The following CAMTA1 variants were observed in gnomAD, a reference collection of about 807,000 sequenced individuals.
CAMTA1 encodes calmodulin binding transcription activator 1.
A neutral mutation model predicts 170.9 loss-of-function variants in CAMTA1; 27 were observed. The observed-to-expected ratio is 0.16, with a 90% CI of 0.12 to 0.22. The LOEUF (loss-of-function observed/expected upper bound fraction) is 0.22. Among genes scored for constraint, CAMTA1 ranks in the 10% least tolerant of loss-of-function variants. The probability of loss-of-function intolerance (pLI) is 1.00; values close to 1 mark genes in which losing one functional copy is unlikely to be tolerated. For missense variants in CAMTA1, 1,619 were observed against 2,217.2 expected, an observed-to-expected ratio of 0.73 and a Z score of 5.42; for synonymous variants, 833 against 891.5, an observed-to-expected ratio of 0.93 and a Z score of 1.17.
chr1:7,187,832 G>T (rs1653704930), intron 4 of CAMTA1, among the ~76,000 whole-genome samples: 1 of 152,194 alleles, frequency 6.6e-6, no homozygotes, highest in African/African-American at 2.4e-5. Context: ...TATTTTGATA[G>T]AACTCTTTTG....
chr1:7,175,374 G>C (rs976634551), intron 4 of CAMTA1, among the ~76,000 whole-genome samples: 1 of 151,876 alleles, frequency 6.6e-6, no homozygotes, highest in Admixed American at 6.5e-5. Context: ...TCTGTTTTCT[G>C]TTCTGCTATA....
intron 1 of CAMTA1, among the ~76,000 whole-genome samples, chr1:6,788,075 C>T (rs1639931645): frequency 6.6e-6 from 1 of 152,024 alleles, no homozygotes; most frequent in South Asian, 2.1e-4. Context: ...GGATGGGGAA[C>T]GTTATTCTTC....
At chr1:7,231,350 T>TGAGAGAGA (rs1553280259) in intron 4 of CAMTA1, among the ~76,000 whole-genome samples, 13 of 141,190 alleles carry the variant, frequency 9.2e-5, no homozygotes, top group African/African-American at 3.2e-4. Flanking sequence ...TGTGTGTGTG[T>TGAGAGAGA]GAGAGAGAGA....
intron 6 of CAMTA1, among the ~76,000 whole-genome samples, chr1:7,526,144 G>C (rs2094429181): frequency 6.6e-6 from 1 of 152,080 alleles, no homozygotes; most frequent in South Asian, 2.1e-4. Context: ...CCAGGGAGGA[G>C]ACATTGTCAC....
chr1:7,614,153 G>A (rs59644278), intron 6 of CAMTA1, among the ~76,000 whole-genome samples: 347 of 152,164 alleles, frequency 2.3e-3, no homozygotes, highest in African/African-American at 8.1e-3. Context: ...GAGAAATGAG[G>A]ATGTCAGCAA....
At chr1:7,334,165 G>T (rs983831856) in intron 5 of CAMTA1, among the ~76,000 whole-genome samples, 3 of 152,198 alleles carry the variant, frequency 2.0e-5, no homozygotes, top group African/African-American at 7.2e-5. Flanking sequence ...ACTGGTCTAC[G>T]TGGAAAGTAA....
chr1:7,178,208 C>G (rs1325363496), intron 4 of CAMTA1, among the ~76,000 whole-genome samples: 1 of 152,190 alleles, frequency 6.6e-6, no homozygotes, highest in Non-Finnish European at 1.5e-5. Context: ...GCTGCCAGAA[C>G]TGGTGCAGAG....
intron 6 of CAMTA1, among the ~76,000 whole-genome samples, chr1:7,525,760 C>A (rs1480923921): frequency 1.3e-5 from 2 of 152,188 alleles, no homozygotes; most frequent in Non-Finnish European, 2.9e-5. Flanking sequence ...CAAGGGTGGG[C>A]AGCCCTGACC....
At chr1:7,734,375 AT>A (rs1221391584) in intron 12 of CAMTA1, among the ~76,000 whole-genome samples, 2 of 152,192 alleles carry the variant, frequency 1.3e-5, no homozygotes, top group Non-Finnish European at 2.9e-5. Flanking sequence ...ATGTAATGTC[AT>A]TTTAAAGCTC....
At chr1:7,713,287 G>T (rs188038042) in intron 11 of CAMTA1, among the ~76,000 whole-genome samples, 1 of 152,162 alleles carries the variant, frequency 6.6e-6, no homozygotes, top group Non-Finnish European at 1.5e-5. Flanking sequence ...TAGCACCTGA[G>T]CCTGATGAGA....
At chr1:6,924,958 G>A (rs549199222) in intron 3 of CAMTA1, among the ~76,000 whole-genome samples, 9 of 152,204 alleles carry the variant, frequency 5.9e-5, no homozygotes, top group African/African-American at 1.4e-4. Flanking sequence ...GATATGGTTG[G>A]GGGGGACTGT....
At chr1:7,756,770 C>G (rs1240499462) in intron 22 of CAMTA1, among the ~76,000 whole-genome samples, 1 of 152,068 alleles carries the variant, frequency 6.6e-6, no homozygotes, top group African/African-American at 2.4e-5. Flanking sequence ...ATCATGTAAG[C>G]CTGGGAGGTT....
intron 22 of CAMTA1, among the ~76,000 whole-genome samples, chr1:7,763,726 T>A (rs1216283398): frequency 6.6e-6 from 1 of 152,256 alleles, no homozygotes. Context: ...CTCTCCTTTT[T>A]ATTTCATCTC....
At chr1:7,721,493 T>G (rs2096649238) in intron 11 of CAMTA1, among the ~76,000 whole-genome samples, 1 of 152,132 alleles carries the variant, frequency 6.6e-6, no homozygotes, top group Non-Finnish European at 1.5e-5. Flanking sequence ...AGCCACACTC[T>G]GAAGAGTTAA....
chr1:7,169,636 T>G (rs1649202051), intron 4 of CAMTA1, among the ~76,000 whole-genome samples: 1 of 152,170 alleles, frequency 6.6e-6, no homozygotes, highest in Non-Finnish European at 1.5e-5. Flanking sequence ...CTCAGCCTCC[T>G]GAGTAGCTGA....
intron 4 of CAMTA1, among the ~76,000 whole-genome samples, chr1:7,094,254 A>G (rs1641807455): frequency 6.6e-6 from 1 of 151,186 alleles, no homozygotes; most frequent in African/African-American, 2.4e-5. Context: ...TTGTGTTTGG[A>G]TCCCCACCCC....
intron 4 of CAMTA1, among the ~76,000 whole-genome samples, chr1:7,110,461 G>T (rs1294229157): frequency 6.6e-6 from 1 of 152,158 alleles, no homozygotes; most frequent in East Asian, 1.9e-4. Flanking sequence ...TGCCCGAGCA[G>T]GCCGGGCCAG....
In CAMTA1 at chr1:7,593,674, A is replaced by T. The variant is rs1002897222; in HGVS notation, c.511-46726A>T. Among the ~76,000 whole-genome samples, 3 of 150,564 alleles carry T rather than the reference A, an allele frequency of 2.0e-5. No individual in the cohort carries two copies. The South Asian group carries it at 6.4e-4, about 32-fold the overall frequency. On this transcript the variant is annotated intron_variant, in intron 6 of 22. Transcript: ENST00000303635. ...CTGGCTAACTGTTGTATTTTTAGTA[A>T]AGACAGGGGTTTCACCATGTTGGCC...
chr1:7,510,260 T>C lies in CAMTA1; in HGVS notation c.510+42359T>C, dbSNP rs1041399683. Among the ~76,000 whole-genome samples, 19 of 143,686 alleles carry C rather than the reference T, an allele frequency of 1.3e-4. 1 individual carries two copies. Among genetic ancestry groups the C allele is most frequent in the African/African-American group, 4.2e-4 (17 of 40,324 alleles). 94.3% of individuals were successfully genotyped at this position (143,686 alleles called of 152,430 possible). A position where few individuals can be genotyped will look rare whatever the true frequency, so the allele number is the denominator to read the frequency against. ...AGGTCTAAGGAGTTTGTAAAAAATA[T>C]GCAAATGCCTGGGCCCCACCCCCGG... On this transcript the variant is annotated intron_variant, in intron 6 of 22. Transcript: ENST00000303635.
Sources: allele counts gnomAD v4.1 joint callset (sites outside exome capture counted in the v4.1 genomes callset), GRCh38; gene constraint gnomAD v4.1.1; transcripts MANE v1.5; gene names NCBI Gene and HGNC (gene_info 2026-07-23, HGNC 2026-07-21).